The following USH2A variants were observed in gnomAD, a reference collection of about 807,000 sequenced individuals.
USH2A encodes Usher syndrome 2A (autosomal recessive, mild).
USH2A carries 443 observed loss-of-function variants against 538.9 expected under a neutral mutation model. The ratio of observed to expected loss-of-function variants is 0.82; its 90% CI spans 0.76 to 0.89. The LOEUF (loss-of-function observed/expected upper bound fraction) is 0.89. USH2A is among the 40% of genes least tolerant of loss of function. The probability of loss-of-function intolerance (pLI) is 0.00; values close to 1 mark genes in which losing one functional copy is unlikely to be tolerated. For synonymous variants in USH2A, 2,413 were observed against 2,273.5 expected (o/e 1.06, Z -1.75); for missense variants, 6,633 against 6,324.8 (o/e 1.05, Z -1.65).
chr1:215,731,617 A>G (rs1044832643), intron 60 of USH2A, among the ~76,000 whole-genome samples: 1 of 152,220 alleles, frequency 6.6e-6, no homozygotes. Flanking sequence ...AACAAAAATA[A>G]GTATAAAAAC....
At chr1:216,250,272 T>TA (rs2036132783) in intron 12 of USH2A, among the ~76,000 whole-genome samples, 1 of 152,202 alleles carries the variant, frequency 6.6e-6, no homozygotes, top group South Asian at 2.1e-4. Flanking sequence ...ACGTCTTGTA[T>TA]AAAAAAATGA....
chr1:216,012,628 C>A (rs957276831), intron 32 of USH2A, among the ~76,000 whole-genome samples: 1 of 152,068 alleles, frequency 6.6e-6, no homozygotes, highest in African/African-American at 2.4e-5. Flanking sequence ...TTCAGTGAAA[C>A]CTTTATATCC....
intron 38 of USH2A, among the ~76,000 whole-genome samples, chr1:215,913,587 A>C (rs2102481829): frequency 6.6e-6 from 1 of 152,260 alleles, no homozygotes; most frequent in South Asian, 2.1e-4. Context: ...CACTAATTCC[A>C]TCAATATTTT....
At chr1:216,186,651 T>A (rs1011087560) in intron 20 of USH2A, among the ~76,000 whole-genome samples, 2 of 151,982 alleles carry the variant, frequency 1.3e-5, no homozygotes, top group South Asian at 2.1e-4. Flanking sequence ...AAAATCTGCA[T>A]CATTTTTAAG....
At chr1:216,179,116 C>G (rs2034443678) in intron 20 of USH2A, among the ~76,000 whole-genome samples, 2 of 152,062 alleles carry the variant, frequency 1.3e-5, no homozygotes, top group South Asian at 4.1e-4. Context: ...CCACTCAACT[C>G]AATGGAGATA....
intron 36 of USH2A, among the ~76,000 whole-genome samples, chr1:215,965,923 T>TCACACACACACACACA (rs34484768): frequency 7.0e-6 from 1 of 142,470 alleles, no homozygotes; most frequent in Non-Finnish European, 1.5e-5. Flanking sequence ...CTCTTCTCTG[T>TCACACACACACACACA]CACACACACA....
chr1:216,152,414 C>T (rs1411387815), intron 21 of USH2A, among the ~76,000 whole-genome samples: 2 of 128,982 alleles, frequency 1.6e-5, no homozygotes, highest in Admixed American at 1.7e-4. Flanking sequence ...CTTTTCCTGG[C>T]TCATCCTGGC....
intron 20 of USH2A, among the ~76,000 whole-genome samples, chr1:216,188,248 A>T (rs1393243998): frequency 6.6e-6 from 1 of 151,864 alleles, no homozygotes; most frequent in Non-Finnish European, 1.5e-5. Context: ...TGTTACCACT[A>T]ATGCATAGGG....
intron 30 of USH2A, among the ~76,000 whole-genome samples, chr1:216,058,951 T>C (rs1022652220): frequency 3.9e-5 from 6 of 152,154 alleles, no homozygotes; most frequent in African/African-American, 1.2e-4. Flanking sequence ...CAGGAGCTTA[T>C]TGTCTATTGA....
At chr1:216,301,849 C>A (rs2037221940) in intron 9 of USH2A, among the ~76,000 whole-genome samples, 1 of 152,116 alleles carries the variant, frequency 6.6e-6, no homozygotes, top group Admixed American at 6.6e-5. Context: ...CAGTAGAAAC[C>A]AGCCCCCTAT....
chr1:215,847,392 C>T (rs1663888693), intron 44 of USH2A, among the ~76,000 whole-genome samples: 1 of 152,058 alleles, frequency 6.6e-6, no homozygotes, highest in Non-Finnish European at 1.5e-5. Flanking sequence ...GTGGCTGACA[C>T]CTGTAATCCT....
At chr1:216,110,217 GCA>G (rs1353314164) in intron 21 of USH2A, among the ~76,000 whole-genome samples, 1 of 152,066 alleles carries the variant, frequency 6.6e-6, no homozygotes, top group East Asian at 1.9e-4. Context: ...ACCCAGCCAG[GCA>G]CAGTGTCATA....
intron 35 of USH2A, among the ~76,000 whole-genome samples, chr1:215,982,496 C>T (rs974388632): frequency 4.6e-5 from 7 of 152,220 alleles, no homozygotes; most frequent in Admixed American, 3.9e-4. Flanking sequence ...CCGTGGCACA[C>T]TATCTGTCAT....
chr1:215,660,319 C>G (rs1657402169), intron 64 of USH2A, among the ~76,000 whole-genome samples: 1 of 152,064 alleles, frequency 6.6e-6, no homozygotes, highest in Non-Finnish European at 1.5e-5. Flanking sequence ...GCCCTTAGCA[C>G]ACAGCAAACC....
intron 58 of USH2A, among the ~76,000 whole-genome samples, chr1:215,755,497 C>T (rs935667598): frequency 6.6e-6 from 1 of 152,152 alleles, no homozygotes; most frequent in Non-Finnish European, 1.5e-5. Flanking sequence ...GCATGAGGTA[C>T]TTTCCAATAA....
chr1:216,128,779 T>G (rs538422), intron 21 of USH2A, among the ~76,000 whole-genome samples: 121,199 of 151,876 alleles, frequency 0.8, 48,470 homozygotes, highest in Non-Finnish European at 0.8. Flanking sequence ...CTAGTTATTT[T>G]CAAATATACA....
intron 63 of USH2A, 43 bp downstream of exon 63, chr1:215,674,057 C>G: frequency 1.2e-6 from 2 of 1,613,456 alleles, no homozygotes; most frequent in East Asian, 2.2e-5. Context: ...ATAGAAAGGT[C>G]AGCAGTGGCT....
At chr1:216,007,134 T>C (rs891233542) in intron 32 of USH2A, among the ~76,000 whole-genome samples, 3 of 152,166 alleles carry the variant, frequency 2.0e-5, no homozygotes, top group Non-Finnish European at 4.4e-5. Flanking sequence ...CCATGTAAGA[T>C]GTGCCTTTTG....
At chr1:216,050,440 T>C (rs12069354) in intron 30 of USH2A, among the ~76,000 whole-genome samples, 19,445 of 151,830 alleles carry the variant, frequency 0.13, 2,089 homozygotes, top group African/African-American at 0.3. Flanking sequence ...TTCAGGACTT[T>C]AGAATACTTA....
Sources: gnomAD v4.1 joint callset for allele counts (sites outside exome capture counted in the v4.1 genomes callset) on GRCh38, gnomAD v4.1.1 for gene constraint, MANE v1.5 for transcripts, NCBI Gene and HGNC (gene_info 2026-07-23, HGNC 2026-07-21) for gene names.